Variants in SH3GL1 observed in about 807,000 individuals in gnomAD.
The protein encoded by SH3GL1 is SH3 domain containing GRB2 like 1, endophilin A2.
A neutral mutation model predicts 48.8 loss-of-function variants in SH3GL1; 21 were observed. That is an observed-to-expected ratio of 0.43 (90% confidence interval 0.30 to 0.62). The LOEUF is 0.62. Among genes scored for constraint, SH3GL1 ranks in the 20% least tolerant of loss-of-function variants. The pLI, the probability that SH3GL1 is intolerant of heterozygous loss-of-function variation, is 0.11. For synonymous variants in SH3GL1, 282 were observed against 217.5 expected, an observed-to-expected ratio of 1.30 and a Z score of -2.61; for missense variants, 454 against 503.0, an observed-to-expected ratio of 0.90 and a Z score of 0.93.
rs1599594395 is a variant in SH3GL1, at chr19:4,366,369, C to G, written c.187+132G>C. 3 of 703,770 alleles carry G rather than the reference C, an allele frequency of 4.3e-6. No individual in the cohort carries two copies. The African/African-American group carries it at 5.3e-5, about 12-fold the overall frequency. 43.6% of individuals were successfully genotyped at this position (703,770 alleles called of 1,614,324 possible). A position where few individuals can be genotyped will look rare whatever the true frequency, so the allele number is the denominator to read the frequency against. Reference sequence around the variant, plus strand: ...CAGCATGCAGCACCAAGGATGGCCTCTGCACTCCGGGATCCAGCTGTGCCT... The same window carrying G: ...CAGCATGCAGCACCAAGGATGGCCTGTGCACTCCGGGATCCAGCTGTGCCT... On this transcript the variant is annotated intron_variant, in intron 3 of 9. Transcript: ENST00000269886.
chr19:4,397,496 C>T (rs1973446538), intron 1 of SH3GL1, among the ~76,000 whole-genome samples: 3 of 152,226 alleles, frequency 2.0e-5, no homozygotes, highest in Admixed American at 2.0e-4. Context: ...AATATGGGCA[C>T]AGGCCCTGAT....
At chr19:4,379,026 T>C (rs2055737473) in intron 1 of SH3GL1, among the ~76,000 whole-genome samples, 1 of 152,190 alleles carries the variant, frequency 6.6e-6, no homozygotes, top group Non-Finnish European at 1.5e-5. Flanking sequence ...CGAAATCTCA[T>C]GTTGCGCCCA....
intron 1 of SH3GL1, among the ~76,000 whole-genome samples, chr19:4,397,394 A>T (rs1973445142): frequency 6.6e-6 from 1 of 152,234 alleles, no homozygotes; most frequent in Admixed American, 6.5e-5. Flanking sequence ...ATCTGAACGC[A>T]GGTCATCCTG....
At position 4,385,385 on chromosome 19, in the gene SH3GL1, A is replaced by T. The variant is rs1286048786; in HGVS notation, c.45+14939T>A. 2.0e-5 allele frequency among the ~76,000 whole-genome samples: 3 copies of T among 152,194 alleles called. No homozygotes were observed. In the East Asian group the frequency reaches 5.8e-4, roughly 29 times the overall value. On this transcript the variant is annotated intron_variant, in intron 1 of 9. Transcript: ENST00000269886. ...CCTGTGCCACATACTGGTGCCGACC[A>T]GCGTGTGGCCCAGGGAATGTGTTCT...
chr19:4,391,810 C>T (rs745574388), intron 1 of SH3GL1, among the ~76,000 whole-genome samples: 1 of 152,202 alleles, frequency 6.6e-6, no homozygotes, highest in Non-Finnish European at 1.5e-5. Flanking sequence ...TGGTTCCACC[C>T]GTCTGCAAGC....
At chr19:4,362,782 AG>A in intron 7 of SH3GL1, 46 bp from the exon 8 acceptor site, 1 of 1,611,580 alleles carries the variant, frequency 6.2e-7, no homozygotes, top group Non-Finnish European at 8.5e-7. Context: ...GTCACGGCCG[AG>A]GCAGCCCCAC....
chr19:4,393,241 A>G (rs949961430), intron 1 of SH3GL1, among the ~76,000 whole-genome samples: 1 of 152,000 alleles, frequency 6.6e-6, no homozygotes, highest in African/African-American at 2.4e-5. Flanking sequence ...AGCCTGGGCA[A>G]TGGTGTGAGA....
chr19:4,366,608 C>A, intron 2 of SH3GL1, 35 bp from the exon 3 acceptor site: 1 of 1,587,040 alleles, frequency 6.3e-7, no homozygotes, highest in South Asian at 1.1e-5. Context: ...ACTCCACAGC[C>A]AGTGGGGGCC....
intron 1 of SH3GL1, among the ~76,000 whole-genome samples, chr19:4,371,247 G>A (rs572491547): frequency 6.6e-6 from 1 of 152,252 alleles, no homozygotes; most frequent in Admixed American, 6.5e-5. Flanking sequence ...ATACAGAAAT[G>A]AACTGTGAAG....
At chr19:4,374,065 G>A (rs576634686) in intron 1 of SH3GL1, among the ~76,000 whole-genome samples, 31 of 152,338 alleles carry the variant, frequency 2.0e-4, no homozygotes, top group Non-Finnish European at 1.5e-5. Flanking sequence ...TTGTGTGCGC[G>A]GCAGCGAGCC....
Position 4,372,094 on chromosome 19 carries a change from C to A in SH3GL1, c.46-5100G>T, listed in dbSNP as rs77520578. On this transcript the variant is annotated intron_variant, in intron 1 of 9. Coordinates refer to ENST00000269886, the MANE Select transcript of SH3GL1 (RefSeq NM_003025.4). ...AAGTGCCAAAACTACAGGCATGACA[C>A]AGTGTGCCTGGCCAAGGCCATACAT... Among the ~76,000 whole-genome samples, 115 of 152,328 alleles carry A rather than the reference C, an allele frequency of 7.5e-4. No individual in the cohort carries two copies. The East Asian group carries it at 0.021, about 28-fold the overall frequency.
chr19:4,400,229 T>TC lies in SH3GL1; in HGVS notation c.45+94dup. The TC allele has an allele frequency of 2.2e-6, 3 of 1,360,138 alleles. No individual in the cohort carries two copies. The highest frequency in any genetic ancestry group is 2.2e-5 in the Admixed American group (1 of 45,442). The allele number at this position is 1,360,138 out of a possible 1,614,324, so 84.3% of individuals were successfully genotyped here. Reference sequence around the variant, plus strand: ...ACACGCGCCAACGTCCCCACCTCGGTCCCCCCGGCCCCCTCCCGGGCCAGG... The same window carrying TC: ...ACACGCGCCAACGTCCCCACCTCGGTCCCCCCCGGCCCCCTCCCGGGCCAGG... On this transcript the variant is annotated intron_variant, in intron 1 of 9. Transcript: ENST00000269886. This position sits in a 1 kb window ranked among gnomAD's most constrained non-coding sequence, Gnocchi z 4.1.
intron 8 of SH3GL1, 65 bp downstream of exon 8, chr19:4,362,547 G>A (rs1972650084): frequency 6.2e-7 from 1 of 1,606,770 alleles, no homozygotes; most frequent in Admixed American, 1.7e-5. Context: ...CCAGGACAGG[G>A]CCAGCCCTTG....
chr19:4,378,792 C>T (rs1973063308), intron 1 of SH3GL1, among the ~76,000 whole-genome samples: 2 of 152,152 alleles, frequency 1.3e-5, no homozygotes, highest in African/African-American at 2.4e-5. Context: ...AACTGAGTCC[C>T]GAGGAATGAT....
At chr19:4,368,781 C>T (rs372531078) in intron 1 of SH3GL1, among the ~76,000 whole-genome samples, 150 of 152,318 alleles carry the variant, frequency 9.8e-4, no homozygotes, top group African/African-American at 3.4e-3. Context: ...TCTTAAAAAT[C>T]CCCTCGTTGG....
At chr19:4,375,931 C>T (rs1333751063) in intron 1 of SH3GL1, among the ~76,000 whole-genome samples, 1 of 152,210 alleles carries the variant, frequency 6.6e-6, no homozygotes, top group Non-Finnish European at 1.5e-5. Flanking sequence ...TGACATCACC[C>T]ACATGCACAG....
chr19:4,371,425 C>A (rs1267207611), intron 1 of SH3GL1, among the ~76,000 whole-genome samples: 3 of 152,250 alleles, frequency 2.0e-5, no homozygotes, highest in African/African-American at 7.2e-5. Context: ...CTGGCTGCTG[C>A]CGATGGGCGG....
chr19:4,361,566 G>A lies in SH3GL1; in HGVS notation c.*34C>T. ...GACCCAGCAGGGGGTGCCGGCCAGT[G>A]TGGACGGAGGGGCGGGGCGGGGACA... On this transcript the variant is annotated 3_prime_UTR_variant, in exon 10 of 10. Transcript: ENST00000269886. 1.3e-6 allele frequency: 2 copies of A among 1,512,920 alleles called. No homozygotes were observed. The highest frequency in any genetic ancestry group is 1.2e-5 in the South Asian group (1 of 85,954). The allele number at this position is 1,512,920 out of a possible 1,614,324, so 93.7% of individuals were successfully genotyped here.
In SH3GL1 at chr19:4,400,443, C is replaced by T; in HGVS notation, c.-75G>A. 5 of 1,406,056 alleles carry T rather than the reference C, an allele frequency of 3.6e-6. No homozygotes were observed. Among genetic ancestry groups the T allele is most frequent in the Non-Finnish European group, 4.6e-6 (5 of 1,076,768 alleles). 87.1% of individuals were successfully genotyped at this position (1,406,056 alleles called of 1,614,324 possible). A position where few individuals can be genotyped will look rare whatever the true frequency, so the allele number is the denominator to read the frequency against. ...TCCCGGGCGCCGCCGACCCTCTGCGCGCCTCAGCAGTCCCCGTCGGCGCCG... is the reference window on the plus strand; with the variant it reads ...TCCCGGGCGCCGCCGACCCTCTGCGTGCCTCAGCAGTCCCCGTCGGCGCCG... On this transcript the variant is annotated 5_prime_UTR_variant, in exon 1 of 10. Transcript: ENST00000269886. This position sits in a 1 kb window ranked among gnomAD's most constrained non-coding sequence, Gnocchi z 4.1.
Sources: gnomAD v4.1 joint callset for allele counts (sites outside exome capture counted in the v4.1 genomes callset) on GRCh38, gnomAD v4.1.1 for gene constraint, Gnocchi (gnomAD v3.1) non-coding constraint, MANE v1.5 for transcripts, NCBI Gene and HGNC (gene_info 2026-07-23, HGNC 2026-07-21) for gene names.